The following CDC42EP4 variants were observed in gnomAD, a reference collection of about 807,000 sequenced individuals.
CDC42EP4 encodes CDC42 effector protein 4.
In CDC42EP4, 6 loss-of-function variants were observed where a neutral mutation model predicts 5.6. The ratio of observed to expected loss-of-function variants is 1.07; its 90% CI spans 0.59 to 2.12. The LOEUF (loss-of-function observed/expected upper bound fraction) is 2.12. Ranked by LOEUF, CDC42EP4 falls within the 30% of genes most tolerant of loss-of-function variation. The pLI is 0.00. For missense variants in CDC42EP4, 490 were observed against 508.6 expected (o/e 0.96, Z 0.35); for synonymous variants, 230 against 224.2 (o/e 1.03, Z -0.23).
At chr17:73,293,835 T>C (rs1218710199) in intron 1 of CDC42EP4, among the ~76,000 whole-genome samples, 1 of 152,182 alleles carries the variant, frequency 6.6e-6, no homozygotes, top group Non-Finnish European at 1.5e-5. Flanking sequence ...GCTAAGTGAA[T>C]GGGCGAGAAC....
At chr17:73,311,021 G>T (rs1029394789) in intron 1 of CDC42EP4, 7 of 152,324 alleles carry the variant, frequency 4.6e-5, no homozygotes, top group Admixed American at 1.3e-4. Flanking sequence ...CGCCCCAAGC[G>T]GGCGATTAAA....
At chr17:73,307,479 GCT>G (rs1167346479) in intron 1 of CDC42EP4, among the ~76,000 whole-genome samples, 1 of 138,844 alleles carries the variant, frequency 7.2e-6, no homozygotes, top group Non-Finnish European at 1.5e-5. Context: ...ACGGAGTCTC[GCT>G]CTGTCACCCA....
chr17:73,286,582 C>G lies in CDC42EP4; in HGVS notation c.-82G>C, dbSNP rs1362645585. 3.1e-6 allele frequency: 3 copies of G among 980,118 alleles called. No homozygotes were observed. The African/African-American group carries it at 4.9e-5, about 16-fold the overall frequency. 60.7% of individuals were successfully genotyped at this position (980,118 alleles called of 1,614,324 possible). A position where few individuals can be genotyped will look rare whatever the true frequency, so the allele number is the denominator to read the frequency against. ...AGATCTGAAGTCCAAGTCCAGTGGG[C>G]AGAGGGGGACGCAATGAGGAGATCA... On this transcript the variant is annotated 5_prime_UTR_variant, in exon 2 of 2. Coordinates refer to ENST00000335793, the MANE Select transcript of CDC42EP4 (RefSeq NM_012121.5). The surrounding 1 kb of genome is among the most constrained non-coding windows in gnomAD (Gnocchi z 7.7).
chr17:73,287,993 C>T (rs1001451352), intron 1 of CDC42EP4, among the ~76,000 whole-genome samples: 1 of 152,176 alleles, frequency 6.6e-6, no homozygotes, highest in African/African-American at 2.4e-5. Flanking sequence ...CCCCACCTCG[C>T]TCCTCAGTGT....
intron 1 of CDC42EP4, among the ~76,000 whole-genome samples, chr17:73,310,382 G>A (rs1333866934): frequency 1.3e-5 from 2 of 152,148 alleles, no homozygotes; most frequent in Non-Finnish European, 2.9e-5. Context: ...CTCTGGTACA[G>A]ATGGCTGCTG....
At chr17:73,288,644 G>A (rs766663078) in intron 1 of CDC42EP4, among the ~76,000 whole-genome samples, 13 of 151,502 alleles carry the variant, frequency 8.6e-5, no homozygotes, top group African/African-American at 1.5e-4. Flanking sequence ...GCCTCCAACC[G>A]CCTCCAAGCA....
At position 73,292,955 on chromosome 17, in the gene CDC42EP4, T is replaced by A. The variant is rs559598451; in HGVS notation, c.-112-6343A>T. Among the ~76,000 whole-genome samples, 6 of 152,280 alleles carry A rather than the reference T, an allele frequency of 3.9e-5. No homozygotes were observed. The East Asian group carries it at 1.2e-3, about 29-fold the overall frequency. On this transcript the variant is annotated intron_variant, in intron 1 of 1. Coordinates refer to ENST00000335793, the MANE Select transcript of CDC42EP4 (RefSeq NM_012121.5). ...CTGGTCCTGAACTCCTGACTTCAGGTGATCTGCCCGCCTCGGCCTCCCAAA... is the reference window on the plus strand; with the variant it reads ...CTGGTCCTGAACTCCTGACTTCAGGAGATCTGCCCGCCTCGGCCTCCCAAA...
chr17:73,286,582 C>T lies in CDC42EP4; in HGVS notation c.-82G>A. 4.1e-6 allele frequency: 4 copies of T among 980,234 alleles called. No individual in the cohort carries two copies. Among genetic ancestry groups the T allele is most frequent in the South Asian group, 1.6e-5 (1 of 60,774 alleles). The allele number at this position is 980,234 out of a possible 1,614,324, so 60.7% of individuals were successfully genotyped here. The stretch of plus-strand genomic sequence containing the variant: ...AGATCTGAAGTCCAAGTCCAGTGGG[C>T]AGAGGGGGACGCAATGAGGAGATCA... On this transcript the variant is annotated 5_prime_UTR_variant, in exon 2 of 2. Coordinates refer to ENST00000335793, the MANE Select transcript of CDC42EP4 (RefSeq NM_012121.5). The surrounding 1 kb of genome is among the most constrained non-coding windows in gnomAD (Gnocchi z 7.7).
chr17:73,292,555 C>G (rs548274089), intron 1 of CDC42EP4, among the ~76,000 whole-genome samples: 41 of 152,200 alleles, frequency 2.7e-4, no homozygotes, highest in African/African-American at 9.6e-4. Context: ...TAAATGGTAT[C>G]TCATATTCCT....
In CDC42EP4 at chr17:73,286,376, C is replaced by T. The variant is rs547328390; in HGVS notation, c.125G>A (p.Arg42Gln). The stretch of plus-strand genomic sequence containing the variant: ...GGTGTCCCCAAAGGCGTCTCCGGCC[C>T]GGCCAACGTGCATGGTGTGGCGGAA... ...GDFRHTMHVG[R>Q]AGDAFGDTSF... Residue 42 changes from arginine (R) to glutamine (Q), a missense_variant, in exon 2 of 2, where the codon CGG (arginine) becomes CAG (glutamine). By Grantham distance (43) the Arg-to-Gln change is conservative (BLOSUM62 1). Transcript: ENST00000335793. This position sits in a 1 kb window ranked among gnomAD's most constrained non-coding sequence, Gnocchi z 7.7. 2.0e-5 allele frequency: 32 copies of T among 1,614,064 alleles called. No homozygotes were observed. The highest frequency in any genetic ancestry group is 1.6e-4 in the Middle Eastern group (1 of 6,062).
chr17:73,292,539 A>G (rs529817411), intron 1 of CDC42EP4, among the ~76,000 whole-genome samples: 27 of 152,292 alleles, frequency 1.8e-4, no homozygotes, highest in African/African-American at 6.0e-4. Flanking sequence ...AAACCTATAA[A>G]TAAAATAAAT....
intron 1 of CDC42EP4, among the ~76,000 whole-genome samples, chr17:73,299,502 G>A (rs1335389063): frequency 1.3e-5 from 2 of 149,134 alleles, no homozygotes; most frequent in East Asian, 2.0e-4. Context: ...ATGGCATCTC[G>A]CTTTGTTGCC....
chr17:73,308,643 T>C (rs1483156695), intron 1 of CDC42EP4, among the ~76,000 whole-genome samples: 1 of 152,020 alleles, frequency 6.6e-6, no homozygotes, highest in East Asian at 1.9e-4. Flanking sequence ...GCACAGACAG[T>C]CCGGGCCGCA....
chr17:73,309,533 G>T (rs2062262721), intron 1 of CDC42EP4, among the ~76,000 whole-genome samples: 1 of 152,058 alleles, frequency 6.6e-6, no homozygotes, highest in African/African-American at 2.4e-5. Context: ...TGGAGGCAGG[G>T]TACAGAGGAT....
Position 73,285,895 on chromosome 17 carries a change from A to T in CDC42EP4, c.606T>A (p.His202Gln), listed in dbSNP as rs760828375. ...TGTGGAAGGACATGATGGACTCCGC[A>T]TGCTTCAGCCCGTACGTGGCCTTGG... ...VVPKATYGLK[H>Q]AESIMSFHID... Residue 202 changes from histidine to glutamine, a missense_variant, in exon 2 of 2, where the codon CAT becomes CAA. Physicochemically the swap from His to Gln is conservative, Grantham distance 24. Coordinates refer to ENST00000335793, the MANE Select transcript of CDC42EP4 (RefSeq NM_012121.5). The surrounding 1 kb of genome is among the most constrained non-coding windows in gnomAD (Gnocchi z 6.8). The T allele has an allele frequency of 6.2e-7, 1 of 1,613,962 alleles. No homozygotes were observed. The highest frequency in any genetic ancestry group is 8.5e-7 in the Non-Finnish European group (1 of 1,180,010).
chr17:73,292,598 G>A (rs181142691), intron 1 of CDC42EP4, among the ~76,000 whole-genome samples: 68 of 152,278 alleles, frequency 4.5e-4, no homozygotes, highest in Admixed American at 1.8e-3. Context: ...GGTATGAGTG[G>A]GTGTGGGAGT....
chr17:73,295,713 G>A (rs1353933183), intron 1 of CDC42EP4, among the ~76,000 whole-genome samples: 2 of 151,580 alleles, frequency 1.3e-5, no homozygotes, highest in Non-Finnish European at 2.9e-5. Context: ...GACCAGCCTG[G>A]CCAACATGGT....
chr17:73,288,638 C>T (rs372735077), intron 1 of CDC42EP4, among the ~76,000 whole-genome samples: 98 of 152,086 alleles, frequency 6.4e-4, no homozygotes, highest in Middle Eastern at 3.4e-3. Context: ...TGGTCCGCCT[C>T]CAACCGCCTC....
At chr17:73,301,305 G>C (rs2062218211) in intron 1 of CDC42EP4, among the ~76,000 whole-genome samples, 1 of 152,138 alleles carries the variant, frequency 6.6e-6, no homozygotes, top group Non-Finnish European at 1.5e-5. Flanking sequence ...CTATTGGAGA[G>C]CAATAATTTA....
Sources: gnomAD v4.1 joint callset for allele counts (sites outside exome capture counted in the v4.1 genomes callset) on GRCh38, gnomAD v4.1.1 for gene constraint, Gnocchi (gnomAD v3.1) non-coding constraint, MANE v1.5 for transcripts, NCBI Gene and HGNC (gene_info 2026-07-23, HGNC 2026-07-21) for gene names.